The following WDR41 variants were observed in gnomAD, a reference collection of about 807,000 sequenced individuals.
WDR41 encodes WD repeat domain 41.
In WDR41, 63 loss-of-function variants were observed where a neutral mutation model predicts 69.3. The ratio of observed to expected loss-of-function variants is 0.91; its 90% CI spans 0.74 to 1.12. The LOEUF (loss-of-function observed/expected upper bound fraction) is 1.12. Ranked by LOEUF, WDR41 falls within the 50% of genes most tolerant of loss-of-function variation. WDR41 has a pLI of 0.00. For synonymous variants in WDR41, 185 were observed against 192.1 expected, an observed-to-expected ratio of 0.96 and a Z score of 0.31; for missense variants, 543 against 534.5, an observed-to-expected ratio of 1.02 and a Z score of -0.16.
At position 77,572,165 on chromosome 5, in the gene WDR41, C is replaced by T. The variant is rs1006942408; in HGVS notation, c.42+48314G>A. On this transcript the variant is annotated intron_variant, in intron 1 of 5. Coordinates refer to the WDR41 transcript ENST00000509971. ...AGCTATCTTAGTAACGACCACTATT[C>T]CTATTGCTGCTTGTACAGCACTTTG... is the stretch of plus-strand genomic sequence containing the variant. Among the ~76,000 whole-genome samples the T allele has an allele frequency of 3.3e-5, 5 of 152,284 alleles. No individual in the cohort carries two copies. The South Asian group carries it at 1.0e-3, about 32-fold the overall frequency.
At chr5:77,516,000 C>G (rs180681352) in intron 1 of WDR41, among the ~76,000 whole-genome samples, 1 of 152,062 alleles carries the variant, frequency 6.6e-6, no homozygotes, top group Non-Finnish European at 1.5e-5. Flanking sequence ...TTTAGTATTC[C>G]CAATTTATTT....
chr5:77,465,915 T>G (rs1225924555), intron 2 of WDR41, among the ~76,000 whole-genome samples: 2 of 151,958 alleles, frequency 1.3e-5, no homozygotes, highest in African/African-American at 2.4e-5. Flanking sequence ...CAAACTGAGT[T>G]TCATGTTCAA....
chr5:77,469,753 A>ACAAG (rs71606298), intron 2 of WDR41, among the ~76,000 whole-genome samples: 1 of 151,388 alleles, frequency 6.6e-6, no homozygotes, highest in East Asian at 1.9e-4. Flanking sequence ...AAAGAAACAA[A>ACAAG]GCCTCCAAGA....
intron 1 of WDR41, among the ~76,000 whole-genome samples, chr5:77,525,640 G>A (rs1802434909): frequency 1.3e-5 from 2 of 152,096 alleles, no homozygotes; most frequent in Non-Finnish European, 2.9e-5. Flanking sequence ...CACCTTGCAG[G>A]GATTCCTTAA....
chr5:77,600,923 GTGTGTA>G (rs1744311621), intron 1 of WDR41, among the ~76,000 whole-genome samples: 1 of 129,546 alleles, frequency 7.7e-6, no homozygotes, highest in Non-Finnish European at 1.6e-5. Flanking sequence ...ATCTAACTCT[GTGTGTA>G]TGTGTGTGTG....
At chr5:77,595,566 AT>A (rs1346195006) in intron 1 of WDR41, among the ~76,000 whole-genome samples, 5 of 151,822 alleles carry the variant, frequency 3.3e-5, no homozygotes, top group Non-Finnish European at 7.4e-5. Flanking sequence ...TGAGATAAAC[AT>A]TTTGTCCCGC....
At chr5:77,586,875 C>A (rs552146329) in intron 1 of WDR41, among the ~76,000 whole-genome samples, 1 of 149,956 alleles carries the variant, frequency 6.7e-6, no homozygotes, top group Non-Finnish European at 1.5e-5. Context: ...CGTGCCAGTA[C>A]GCCTGGCTAA....
intron 1 of WDR41, among the ~76,000 whole-genome samples, chr5:77,518,044 T>C (rs1378453362): frequency 1.3e-5 from 2 of 152,148 alleles, no homozygotes; most frequent in African/African-American, 4.8e-5. Context: ...AAAAAAAGTG[T>C]TGCATTGTAA....
chr5:77,543,152 T>A (rs1174140754), intron 1 of WDR41, among the ~76,000 whole-genome samples: 4 of 152,144 alleles, frequency 2.6e-5, no homozygotes, highest in Non-Finnish European at 5.9e-5. Flanking sequence ...AGAATCTGAA[T>A]AACAGCCTTC....
At chr5:77,467,994 A>C (rs1270787444) in intron 2 of WDR41, among the ~76,000 whole-genome samples, 1 of 151,986 alleles carries the variant, frequency 6.6e-6, no homozygotes, top group Non-Finnish European at 1.5e-5. Context: ...TGGACAACAG[A>C]GCAAGACTCC....
intron 2 of WDR41, among the ~76,000 whole-genome samples, chr5:77,468,456 G>A (rs1400841474): frequency 6.6e-6 from 1 of 152,074 alleles, no homozygotes; most frequent in African/African-American, 2.4e-5. Context: ...GTATTCTCTC[G>A]TTCCTTCCAA....
At chr5:77,473,968 A>T (rs1483268768) in intron 2 of WDR41, among the ~76,000 whole-genome samples, 1 of 152,204 alleles carries the variant, frequency 6.6e-6, no homozygotes, top group African/African-American at 2.4e-5. Context: ...TCATGCTGCT[A>T]TAAAGACACA....
intron 2 of WDR41, among the ~76,000 whole-genome samples, chr5:77,465,067 T>G (rs1263928199): frequency 6.6e-6 from 1 of 152,162 alleles, no homozygotes; most frequent in Non-Finnish European, 1.5e-5. Flanking sequence ...AAAGTCCTTC[T>G]TTGCTTTAAA....
intron 3 of WDR41, 63 bp from the exon 4 acceptor site, chr5:77,463,289 T>G (rs1581722997): frequency 2.1e-5 from 30 of 1,453,148 alleles, no homozygotes; most frequent in Non-Finnish European, 2.7e-5. Context: ...CATAAATGAC[T>G]ACATTAAGTA....
chr5:77,610,553 C>A (rs368473537), intron 1 of WDR41, among the ~76,000 whole-genome samples: 3 of 151,590 alleles, frequency 2.0e-5, no homozygotes, highest in East Asian at 1.9e-4. Context: ...TCCAGCCAAA[C>A]TAAGCTTCAT....
chr5:77,594,028 T>C (rs1330319319), intron 1 of WDR41, among the ~76,000 whole-genome samples: 1 of 152,052 alleles, frequency 6.6e-6, no homozygotes, highest in Non-Finnish European at 1.5e-5. Flanking sequence ...GATAGATAGA[T>C]GATAGATACA....
chr5:77,433,992 G>A (rs1403350847), intron 12 of WDR41, among the ~76,000 whole-genome samples: 2 of 152,176 alleles, frequency 1.3e-5, no homozygotes, highest in African/African-American at 2.4e-5. Context: ...TCAGAAAAGT[G>A]AATCAATGAA....
At chr5:77,573,812 C>T (rs1401757219) in intron 1 of WDR41, among the ~76,000 whole-genome samples, 1 of 152,194 alleles carries the variant, frequency 6.6e-6, no homozygotes, top group Non-Finnish European at 1.5e-5. Flanking sequence ...TCTGCCTCAA[C>T]AGCTCTGTAA....
chr5:77,552,619 G>C (rs958565612), intron 1 of WDR41, among the ~76,000 whole-genome samples: 1 of 152,184 alleles, frequency 6.6e-6, no homozygotes, highest in Non-Finnish European at 1.5e-5. Context: ...AGAAATGGGA[G>C]AAACTACTCT....
Sources: allele counts gnomAD v4.1 joint callset (sites outside exome capture counted in the v4.1 genomes callset), GRCh38; gene constraint gnomAD v4.1.1; transcripts MANE v1.5; gene names NCBI Gene and HGNC (gene_info 2026-07-23, HGNC 2026-07-21).